The following PROX1 variants were observed in gnomAD, a reference collection of about 807,000 sequenced individuals.
PROX1 encodes prospero homeobox 1.
A neutral mutation model predicts 58.8 loss-of-function variants in PROX1; 7 were observed. The observed-to-expected ratio is 0.12, with a 90% CI of 0.07 to 0.22. The LOEUF (loss-of-function observed/expected upper bound fraction) is 0.22, where lower values mean the gene tolerates loss of function less well. Ranked by LOEUF, PROX1 falls within the 10% of genes least tolerant of loss-of-function variation. PROX1 has a pLI of 1.00. For synonymous variants in PROX1, 350 were observed against 358.3 expected, an observed-to-expected ratio of 0.98 and a Z score of 0.26; for missense variants, 675 against 927.8, an observed-to-expected ratio of 0.73 and a Z score of 3.54.
chr1:213,995,354 G>T (rs1234900144), intron 1 of PROX1, among the ~76,000 whole-genome samples: 1 of 152,058 alleles, frequency 6.6e-6, no homozygotes, highest in Non-Finnish European at 1.5e-5. Context: ...TTTATACTGT[G>T]TTTCCAAGAA....
At chr1:214,000,042 T>A (rs1183977172) in intron 2 of PROX1, among the ~76,000 whole-genome samples, 5 of 134,274 alleles carry the variant, frequency 3.7e-5, no homozygotes, top group African/African-American at 1.2e-4. Flanking sequence ...TCTCTCTCTC[T>A]TACACACACA....
At chr1:214,012,509 A>T (rs1006192506) in intron 4 of PROX1, among the ~76,000 whole-genome samples, 3 of 152,238 alleles carry the variant, frequency 2.0e-5, no homozygotes, top group Admixed American at 6.5e-5. Flanking sequence ...GTGGTGCCTC[A>T]GCAAACAGTT....
intron 1 of PROX1, among the ~76,000 whole-genome samples, chr1:213,991,409 G>A (rs1316641184): frequency 6.6e-6 from 1 of 151,904 alleles, no homozygotes; most frequent in Non-Finnish European, 1.5e-5. Flanking sequence ...CAACATTAAC[G>A]TCCCCCCACC....
chr1:214,005,242 T>C lies in PROX1; in HGVS notation c.1803T>C (p.Asn601=), dbSNP rs1188083039. 2 of 1,613,718 alleles carry C rather than the reference T, an allele frequency of 1.2e-6. No individual in the cohort carries two copies. The highest frequency in any genetic ancestry group is 4.5e-5 in the East Asian group (2 of 44,886). The change falls in exon 3 of 5, where the codon AAT becomes AAC. Residue 601 remains asparagine, a synonymous_variant. Coordinates refer to ENST00000366958, the MANE Select transcript of PROX1 (RefSeq NM_001270616.2). ...TTTATACCCGTTATCCCAGCTCCAATATGCTGAAGACCTACTTCTCCGACG... is the reference window on the plus strand; with the variant it reads ...TTTATACCCGTTATCCCAGCTCCAACATGCTGAAGACCTACTTCTCCGACG... ...MFFYTRYPSS[N]MLKTYFSDVK... is the part of the protein sequence containing the mutation.
intron 4 of PROX1, among the ~76,000 whole-genome samples, chr1:214,025,838 A>G (rs1317470015): frequency 6.6e-6 from 1 of 151,650 alleles, no homozygotes; most frequent in Non-Finnish European, 1.5e-5. Context: ...ATTTTTTTGT[A>G]TTTCTAGTAG....
chr1:214,011,036 G>T (rs1341095444), intron 3 of PROX1, among the ~76,000 whole-genome samples: 3 of 151,954 alleles, frequency 2.0e-5, no homozygotes, highest in Non-Finnish European at 2.9e-5. Flanking sequence ...AAGGCCATTT[G>T]TCTGCATTGA....
At chr1:213,985,936 T>C (rs1430197701), upstream of PROX1, 1 of 152,236 alleles carries the variant, frequency 6.6e-6, no homozygotes, top group Non-Finnish European at 1.5e-5. Flanking sequence ...TACCAGTTTA[T>C]TTGTGGGCTG....
chr1:214,013,698 C>A (rs949032178), intron 4 of PROX1, among the ~76,000 whole-genome samples: 5 of 152,170 alleles, frequency 3.3e-5, no homozygotes, highest in African/African-American at 9.7e-5. Flanking sequence ...CATTTAGCAT[C>A]ATCTAAATCC....
intron 4 of PROX1, among the ~76,000 whole-genome samples, chr1:214,027,096 G>C (rs368606383): frequency 1.3e-5 from 2 of 152,086 alleles, no homozygotes; most frequent in Non-Finnish European, 2.9e-5. Context: ...CTGCTTTCCC[G>C]TTGCCACTTT....
chr1:213,986,508 A>AGTGTGTGTGT (rs35146556), upstream of PROX1: 1 of 150,830 alleles, frequency 6.6e-6, no homozygotes, highest in African/African-American at 2.4e-5. Context: ...CCTAGGAAGG[A>AGTGTGTGTGT]GTGTGTGTGT....
chr1:213,998,388 A>G (rs1663367323), intron 2 of PROX1, 128 bp downstream of exon 2: 7 of 1,163,022 alleles, frequency 6.0e-6, no homozygotes, highest in Non-Finnish European at 8.1e-6. Context: ...CCCATTATTC[A>G]AAGGAATAGG....
intron 4 of PROX1, among the ~76,000 whole-genome samples, chr1:214,019,159 A>G (rs989962122): frequency 6.6e-6 from 1 of 152,204 alleles, no homozygotes; most frequent in Non-Finnish European, 1.5e-5. Context: ...GTTGAAAATG[A>G]GCAGGGGTGA....
chr1:213,997,610 G>A lies in PROX1; in HGVS notation c.1075G>A (p.Ala359Thr). Residue 359 changes from alanine (A) to threonine (T), a missense_variant, in exon 2 of 5, where the codon GCC (alanine) becomes ACC (threonine). By Grantham distance (58) the Ala-to-Thr change is moderately conservative (BLOSUM62 0). Around this residue, in one of 8 missense-constraint regions of PROX1, gnomAD observed 403 missense variants for 477.4 expected, o/e 0.84. Coordinates refer to ENST00000366958, the MANE Select transcript of PROX1 (RefSeq NM_001270616.2). This position sits in a 1 kb window ranked among gnomAD's most constrained non-coding sequence, Gnocchi z 7.1. ...AETLKQELNT[A>T]MSQVVDTVVK... ...GACCTTGAAACAGGAACTGAACACT[G>A]CCATGTCGCAAGTTGTGGACACTGT... 6.2e-7 allele frequency: 1 copy of A among 1,614,178 alleles called. No individual in the cohort carries two copies. The highest frequency in any genetic ancestry group is 8.5e-7 in the Non-Finnish European group (1 of 1,180,036).
chr1:214,015,755 G>A lies in PROX1; in HGVS notation c.2028+4040G>A, dbSNP rs372425520. Among the ~76,000 whole-genome samples the A allele has an allele frequency of 3.9e-5, 6 of 152,162 alleles. No individual in the cohort carries two copies. The South Asian group carries it at 6.2e-4, about 16-fold the overall frequency. ...AGGGTTTGTTACCGCCTGAGTGTAG[G>A]TTGAGAAAAGAATGTGCCAGATTCC... On this transcript the variant is annotated intron_variant, in intron 4 of 4. Coordinates refer to ENST00000366958, the MANE Select transcript of PROX1 (RefSeq NM_001270616.2).
At chr1:214,005,967 T>C (rs1412624647) in intron 3 of PROX1, among the ~76,000 whole-genome samples, 1 of 152,062 alleles carries the variant, frequency 6.6e-6, no homozygotes, top group African/African-American at 2.4e-5. Flanking sequence ...TGTGTGTATG[T>C]GTCTGTGTCT....
At chr1:213,998,777 T>A (rs1663383615) in intron 2 of PROX1, among the ~76,000 whole-genome samples, 1 of 152,188 alleles carries the variant, frequency 6.6e-6, no homozygotes, top group Non-Finnish European at 1.5e-5. Context: ...GACAGCCCGA[T>A]GAAATCTTAG....
At chr1:214,019,629 C>T (rs563644389) in intron 4 of PROX1, among the ~76,000 whole-genome samples, 45 of 152,300 alleles carry the variant, frequency 3.0e-4, no homozygotes, top group South Asian at 6.2e-4. Context: ...TCCCTGTGTG[C>T]GCATTACAGG....
intron 4 of PROX1, among the ~76,000 whole-genome samples, chr1:214,014,727 A>C (rs954874085): frequency 2.0e-5 from 3 of 152,124 alleles, no homozygotes; most frequent in Non-Finnish European, 4.4e-5. Context: ...AGCCAGGGAG[A>C]GAGAAGGAGG....
intron 3 of PROX1, among the ~76,000 whole-genome samples, chr1:214,008,256 T>C (rs1382246391): frequency 1.3e-5 from 2 of 152,118 alleles, no homozygotes; most frequent in South Asian, 2.1e-4. Context: ...GGTTTCACCA[T>C]GTTGGCGAAG....
Sources: allele counts gnomAD v4.1 joint callset (sites outside exome capture counted in the v4.1 genomes callset), GRCh38; gene constraint gnomAD v4.1.1; regional missense constraint gnomAD v4.1.1; non-coding constraint Gnocchi (gnomAD v3.1); transcripts MANE v1.5; gene names NCBI Gene and HGNC (gene_info 2026-07-23, HGNC 2026-07-21).